CNTNAP2: variants seen among roughly 807,000 people sequenced by gnomAD.
The protein encoded by CNTNAP2 is contactin associated protein 2.
CNTNAP2 carries 98 observed loss-of-function variants against 155.2 expected under a neutral mutation model. The ratio of observed to expected loss-of-function variants is 0.63; its 90% CI spans 0.54 to 0.75. CNTNAP2 has a LOEUF of 0.75. Among genes scored for constraint, CNTNAP2 ranks in the 30% least tolerant of loss-of-function variants. CNTNAP2 has a pLI of 0.00. For synonymous variants in CNTNAP2, 651 were observed against 631.2 expected, an observed-to-expected ratio of 1.03 and a Z score of -0.47; for missense variants, 1,727 against 1,688.1, an observed-to-expected ratio of 1.02 and a Z score of -0.40.
intron 8 of CNTNAP2, among the ~76,000 whole-genome samples, chr7:147,251,763 G>T (rs1456589637): frequency 6.6e-6 from 1 of 152,182 alleles, no homozygotes; most frequent in Non-Finnish European, 1.5e-5. Flanking sequence ...CAAATAAAAT[G>T]AACCTACTGT....
At chr7:146,635,629 G>A (rs954613986) in intron 1 of CNTNAP2, among the ~76,000 whole-genome samples, 1 of 152,128 alleles carries the variant, frequency 6.6e-6, no homozygotes, top group African/African-American at 2.4e-5. Context: ...AGCTGCATGG[G>A]GTAGACTGTA....
intron 1 of CNTNAP2, among the ~76,000 whole-genome samples, chr7:146,726,964 T>C (rs1324849062): frequency 6.6e-6 from 1 of 152,156 alleles, no homozygotes; most frequent in African/African-American, 2.4e-5. Flanking sequence ...TTTACTTGCT[T>C]GGTTTTCCTT....
At chr7:147,349,833 T>C (rs561482222) in intron 9 of CNTNAP2, among the ~76,000 whole-genome samples, 2 of 152,070 alleles carry the variant, frequency 1.3e-5, no homozygotes, top group East Asian at 3.9e-4. Context: ...ACTGAAGATA[T>C]ATGTTGAGAG....
intron 1 of CNTNAP2, among the ~76,000 whole-genome samples, chr7:146,716,368 G>A (rs1045766953): frequency 6.6e-6 from 1 of 151,316 alleles, no homozygotes; most frequent in Non-Finnish European, 1.5e-5. Flanking sequence ...AGAAATCAGT[G>A]GTTTAAAAAA....
intron 1 of CNTNAP2, among the ~76,000 whole-genome samples, chr7:146,227,962 A>G (rs892472686): frequency 6.6e-6 from 1 of 152,238 alleles, no homozygotes; most frequent in Admixed American, 6.5e-5. Context: ...AACAGTTAAA[A>G]GCAACTTCAC....
At chr7:146,669,205 A>C (rs1056059355) in intron 1 of CNTNAP2, among the ~76,000 whole-genome samples, 5 of 152,162 alleles carry the variant, frequency 3.3e-5, no homozygotes, top group African/African-American at 1.2e-4. Flanking sequence ...CTTTGTTCTC[A>C]AAGCCTTGAA....
At chr7:146,209,591 G>T (rs1799002710) in intron 1 of CNTNAP2, among the ~76,000 whole-genome samples, 1 of 152,124 alleles carries the variant, frequency 6.6e-6, no homozygotes, top group Non-Finnish European at 1.5e-5. Flanking sequence ...GCTTATAGAT[G>T]ATCTGGCTTT....
Position 148,353,115 on chromosome 7 carries a change from G to A in CNTNAP2, c.3476-30534G>A, listed in dbSNP as rs948057186. Among the ~76,000 whole-genome samples the A allele has an allele frequency of 5.3e-5, 8 of 152,168 alleles. No homozygotes were observed. In the East Asian group the frequency reaches 7.7e-4, roughly 15 times the overall value. On this transcript the variant is annotated intron_variant, in intron 21 of 23. Coordinates refer to ENST00000361727, the MANE Select transcript of CNTNAP2 (RefSeq NM_014141.6). ...AGACAGCCCTGGGTCCTGGAGCCCC[G>A]GCAGCCTGCTCCAAGGTCAACAGGC...
Position 147,262,133 on chromosome 7 carries a change from A to C in CNTNAP2, c.1349-38008A>C, listed in dbSNP as rs181312289. Among the ~76,000 whole-genome samples, 411 of 152,326 alleles carry C rather than the reference A, an allele frequency of 2.7e-3. 3 individuals are homozygous for C. Among genetic ancestry groups the C allele is most frequent in the African/African-American group, 9.1e-3 (377 of 41,574 alleles). Reference sequence around the variant, plus strand: ...TTGTTCTTAGGACCACAATTCAAAGAGGAAGTGTAAGACAAAAGTTCAAGA... The same window carrying C: ...TTGTTCTTAGGACCACAATTCAAAGCGGAAGTGTAAGACAAAAGTTCAAGA... On this transcript the variant is annotated intron_variant, in intron 8 of 23. Coordinates refer to ENST00000361727, the MANE Select transcript of CNTNAP2 (RefSeq NM_014141.6).
chr7:147,193,386 A>G (rs1802720208), intron 8 of CNTNAP2, among the ~76,000 whole-genome samples: 1 of 151,726 alleles, frequency 6.6e-6, no homozygotes. Flanking sequence ...AGATTATTCT[A>G]TTTATGTATT....
At position 146,941,856 on chromosome 7, in the gene CNTNAP2, C is replaced by G. The variant is rs150991275; in HGVS notation, c.402+101952C>G. Among the ~76,000 whole-genome samples, 3 of 151,792 alleles carry G rather than the reference C, an allele frequency of 2.0e-5. No individual in the cohort carries two copies. In the East Asian group the frequency reaches 5.8e-4, roughly 29 times the overall value. ...TGTAAGATTTCTGCTGAGTGTGTCT[C>G]CAGTTAGGTATATTGGAACTTCCTT... On this transcript the variant is annotated intron_variant, in intron 3 of 23. Coordinates refer to ENST00000361727, the MANE Select transcript of CNTNAP2 (RefSeq NM_014141.6).
intron 1 of CNTNAP2, among the ~76,000 whole-genome samples, chr7:146,450,605 G>A (rs1796465043): frequency 1.3e-5 from 2 of 152,146 alleles, no homozygotes; most frequent in East Asian, 3.9e-4. Flanking sequence ...GAAGCCACAT[G>A]TTGTCTATTC....
chr7:147,790,734 T>A (rs1007971482), intron 13 of CNTNAP2, among the ~76,000 whole-genome samples: 2 of 152,256 alleles, frequency 1.3e-5, no homozygotes, highest in African/African-American at 4.8e-5. Flanking sequence ...ATTTAATAAC[T>A]TTTTAAAGAA....
chr7:148,036,439 T>C (rs1158413209), intron 15 of CNTNAP2, among the ~76,000 whole-genome samples: 1 of 152,088 alleles, frequency 6.6e-6, no homozygotes, highest in Non-Finnish European at 1.5e-5. Flanking sequence ...AGTGGGCTCA[T>C]GGTTTCTGGG....
intron 9 of CNTNAP2, among the ~76,000 whole-genome samples, chr7:147,330,027 T>C (rs889848617): frequency 2.6e-5 from 4 of 152,262 alleles, no homozygotes; most frequent in Admixed American, 1.3e-4. Flanking sequence ...ATGTCTTTTA[T>C]TGGTCACAAA....
intron 8 of CNTNAP2, 65 bp downstream of exon 8, chr7:147,132,574 C>G (rs112401840): frequency 1.2e-6 from 2 of 1,603,110 alleles, no homozygotes; most frequent in African/African-American, 2.7e-5. Flanking sequence ...TAATGTTGTG[C>G]TTTGTTTGGT....
chr7:146,440,729 A>G (rs1018415250), intron 1 of CNTNAP2, among the ~76,000 whole-genome samples: 1 of 151,534 alleles, frequency 6.6e-6, no homozygotes, highest in African/African-American at 2.4e-5. Context: ...ATTTTTCCCA[A>G]ATCTTTTATA....
intron 2 of CNTNAP2, among the ~76,000 whole-genome samples, chr7:146,785,550 T>C (rs190653346): frequency 1.3e-5 from 2 of 152,344 alleles, no homozygotes; most frequent in Admixed American, 6.5e-5. Flanking sequence ...GTAGGAATCA[T>C]TTGTTAAATC....
At chr7:146,854,819 G>A (rs1794946372) in intron 3 of CNTNAP2, among the ~76,000 whole-genome samples, 1 of 152,116 alleles carries the variant, frequency 6.6e-6, no homozygotes, top group Non-Finnish European at 1.5e-5. Context: ...GGGAATGACA[G>A]GTAAACCAAG....
Sources: gnomAD v4.1 joint callset for allele counts (sites outside exome capture counted in the v4.1 genomes callset) on GRCh38, gnomAD v4.1.1 for gene constraint, MANE v1.5 for transcripts, NCBI Gene and HGNC (gene_info 2026-07-23, HGNC 2026-07-21) for gene names.